SDCCAG8: variants seen among roughly 807,000 people sequenced by gnomAD.
The protein encoded by SDCCAG8 is SHH signaling and ciliogenesis regulator SDCCAG8.
A neutral mutation model predicts 101.8 loss-of-function variants in SDCCAG8; 74 were observed. The observed-to-expected ratio is 0.73, with a 90% confidence interval of 0.60 to 0.88. SDCCAG8 has a LOEUF of 0.88. Ranked by LOEUF, SDCCAG8 falls within the 40% of genes least tolerant of loss-of-function variation. The pLI is 0.00. For missense variants in SDCCAG8, 787 were observed against 822.6 expected (o/e 0.96, Z 0.53); for synonymous variants, 281 against 292.9 (o/e 0.96, Z 0.41).
At chr1:243,271,528 C>G (rs2149264750) in intron 3 of SDCCAG8, among the ~76,000 whole-genome samples, 1 of 151,692 alleles carries the variant, frequency 6.6e-6, no homozygotes, top group African/African-American at 2.4e-5. Context: ...CAAAATAATA[C>G]ATTTTATTTT....
At chr1:243,384,268 C>T (rs1051193111) in intron 13 of SDCCAG8, among the ~76,000 whole-genome samples, 2 of 152,134 alleles carry the variant, frequency 1.3e-5, no homozygotes, top group Non-Finnish European at 2.9e-5. Flanking sequence ...CTCAGTAAGT[C>T]ATTAATGAAA....
At chr1:243,443,706 G>A (rs1310905461) in intron 16 of SDCCAG8, among the ~76,000 whole-genome samples, 2 of 152,126 alleles carry the variant, frequency 1.3e-5, no homozygotes, top group African/African-American at 4.8e-5. Flanking sequence ...AATCCTGTCA[G>A]AGCCCAAGAA....
chr1:243,390,264 A>G (rs1203104911), intron 13 of SDCCAG8, among the ~76,000 whole-genome samples: 4 of 152,188 alleles, frequency 2.6e-5, no homozygotes, highest in Admixed American at 1.3e-4. Context: ...GAATGTGTCA[A>G]AAATAATTTT....
chr1:243,402,076 G>T (rs529579847), intron 13 of SDCCAG8, among the ~76,000 whole-genome samples: 2 of 152,176 alleles, frequency 1.3e-5, no homozygotes, highest in Non-Finnish European at 2.9e-5. Context: ...AATACAGAGG[G>T]AGCCACAAAA....
chr1:243,314,400 C>A (rs1228764769), intron 8 of SDCCAG8, among the ~76,000 whole-genome samples: 1 of 152,174 alleles, frequency 6.6e-6, no homozygotes, highest in Non-Finnish European at 1.5e-5. Context: ...TGAACCAGAA[C>A]GACTGAACTC....
At chr1:243,461,374 G>A (rs1326126581) in intron 16 of SDCCAG8, among the ~76,000 whole-genome samples, 1 of 152,210 alleles carries the variant, frequency 6.6e-6, no homozygotes, top group Admixed American at 6.5e-5. Flanking sequence ...ATTCCAGTCT[G>A]TGCTCTGAAA....
chr1:243,471,616 G>C (rs948255419), intron 16 of SDCCAG8, among the ~76,000 whole-genome samples: 1 of 152,110 alleles, frequency 6.6e-6, no homozygotes, highest in Non-Finnish European at 1.5e-5. Flanking sequence ...CAGGGGTTGG[G>C]GGGTGGAGGG....
intron 16 of SDCCAG8, among the ~76,000 whole-genome samples, chr1:243,459,370 A>G (rs1658557917): frequency 6.6e-6 from 1 of 152,164 alleles, no homozygotes; most frequent in Non-Finnish European, 1.5e-5. Context: ...TAAAGAGAAG[A>G]TGGTCCTGTT....
chr1:243,267,611 A>C, intron 1 of SDCCAG8: 1 of 619,650 alleles, frequency 1.6e-6, no homozygotes, highest in Non-Finnish European at 2.9e-6. Flanking sequence ...TCAAGAAAAA[A>C]AAAAAAAAAG....
At chr1:243,317,223 G>A (rs549315072) in intron 9 of SDCCAG8, among the ~76,000 whole-genome samples, 19 of 151,994 alleles carry the variant, frequency 1.3e-4, no homozygotes, top group African/African-American at 3.9e-4. Context: ...GTATGTGTTC[G>A]TATATGACTA....
chr1:243,342,342 G>T (rs1260915782), intron 11 of SDCCAG8, among the ~76,000 whole-genome samples: 1 of 152,256 alleles, frequency 6.6e-6, no homozygotes, highest in African/African-American at 2.4e-5. Flanking sequence ...AGACTAAATC[G>T]CCTTGAAGTT....
intron 13 of SDCCAG8, among the ~76,000 whole-genome samples, chr1:243,405,712 G>C (rs1200623272): frequency 6.6e-6 from 1 of 151,718 alleles, no homozygotes; most frequent in Admixed American, 6.6e-5. Context: ...CTAATACCTG[G>C]AAAATTCTCG....
chr1:243,267,040 CGAGACCATCCTCGCTAACACGGT>C (rs993855493), intron 1 of SDCCAG8, among the ~76,000 whole-genome samples: 3 of 151,388 alleles, frequency 2.0e-5, no homozygotes, highest in African/African-American at 7.3e-5. Flanking sequence ...GTCAGGAGAT[CGAGACCATCCTCGCTAACACGGT>C]GAAACCCTGT....
At chr1:243,466,807 G>A (rs994175829) in intron 16 of SDCCAG8, among the ~76,000 whole-genome samples, 6 of 152,232 alleles carry the variant, frequency 3.9e-5, no homozygotes, top group African/African-American at 7.2e-5. Flanking sequence ...CATTCTGCCC[G>A]TACTGTTACC....
At chr1:243,486,360 G>A (rs757576964) in intron 16 of SDCCAG8, among the ~76,000 whole-genome samples, 3 of 152,156 alleles carry the variant, frequency 2.0e-5, no homozygotes, top group Admixed American at 1.3e-4. Context: ...ACTTCTCACA[G>A]CAGGGGTGCT....
Position 243,418,872 on chromosome 1 carries a change from A to C in SDCCAG8, c.1853+796A>C, listed in dbSNP as rs554789513. Among the ~76,000 whole-genome samples the C allele has an allele frequency of 2.4e-4, 36 of 152,284 alleles. No individual in the cohort carries two copies. In the South Asian group the frequency reaches 7.5e-3, roughly 32 times the overall value. On this transcript the variant is annotated intron_variant, in intron 15 of 17. Coordinates refer to ENST00000366541, the MANE Select transcript of SDCCAG8 (RefSeq NM_006642.5). ...TATTCACATAACTGATAAGATGTCA[A>C]ATACTACTTTATATGATAACTCAAT...
At chr1:243,350,433 G>A (rs1382314350) in intron 12 of SDCCAG8, among the ~76,000 whole-genome samples, 1 of 152,048 alleles carries the variant, frequency 6.6e-6, no homozygotes, top group Admixed American at 6.6e-5. Context: ...GCCCAGGCTG[G>A]TCTTGAACTC....
At chr1:243,359,802 A>T (rs2076594743) in intron 12 of SDCCAG8, among the ~76,000 whole-genome samples, 1 of 152,182 alleles carries the variant, frequency 6.6e-6, no homozygotes, top group Non-Finnish European at 1.5e-5. Context: ...ATAGTATCTA[A>T]ATGAGATGAC....
In SDCCAG8 at chr1:243,282,181, A is replaced by G. The variant is rs557193110; in HGVS notation, c.421-4091A>G. 4.0e-5 allele frequency among the ~76,000 whole-genome samples: 6 copies of G among 151,360 alleles called. No individual in the cohort carries two copies. The South Asian group carries it at 1.3e-3, about 32-fold the overall frequency. On this transcript the variant is annotated intron_variant, in intron 4 of 17. Transcript: ENST00000366541. ...ATGATTGCATTTTTTTCCAATTCAC[A>G]TATCAATTGATCAATTGTACTTCTT...
Sources: allele counts gnomAD v4.1 joint callset (sites outside exome capture counted in the v4.1 genomes callset), GRCh38; gene constraint gnomAD v4.1.1; transcripts MANE v1.5; gene names NCBI Gene and HGNC (gene_info 2026-07-23, HGNC 2026-07-21).